The following PTPRT variants were observed in gnomAD, a reference collection of about 807,000 sequenced individuals.
PTPRT encodes the protein protein tyrosine phosphatase receptor type T.
PTPRT carries 56 observed loss-of-function variants against 176.8 expected under a neutral mutation model. The observed-to-expected ratio is 0.32, with a 90% CI of 0.26 to 0.40. The LOEUF (loss-of-function observed/expected upper bound fraction) is 0.40. PTPRT is among the 10% of genes least tolerant of loss of function. The pLI is 1.00. For synonymous variants in PTPRT, 783 were observed against 739.0 expected (o/e 1.06, Z -0.96); for missense variants, 1,540 against 1,908.2 (o/e 0.81, Z 3.60).
chr20:42,037,670 G>A, the PTPRT span, among the ~76,000 whole-genome samples: 5 of 152,154 alleles, frequency 3.3e-5, no homozygotes, highest in Non-Finnish European at 5.9e-5. Flanking sequence ...AGTTTCTCAG[G>A]ATTCAGTTCT....
intron 1 of PTPRT, among the ~76,000 whole-genome samples, chr20:42,980,962 C>T (rs982840425): frequency 1.3e-5 from 2 of 152,178 alleles, no homozygotes; most frequent in African/African-American, 4.8e-5. Flanking sequence ...GGGAGCCCAA[C>T]TTCAGTGTGC....
intron 18 of PTPRT, among the ~76,000 whole-genome samples, chr20:42,134,637 TTTA>T (rs777712422): frequency 3.9e-5 from 6 of 152,176 alleles, no homozygotes; most frequent in Non-Finnish European, 8.8e-5. Flanking sequence ...CTGGTAAATG[TTTA>T]ACATACAGCT....
intron 7 of PTPRT, among the ~76,000 whole-genome samples, chr20:42,650,572 T>A (rs2075011727): frequency 1.3e-5 from 2 of 152,132 alleles, no homozygotes; most frequent in South Asian, 4.2e-4. Context: ...ACCTTGACAG[T>A]TACAGGCAGA....
chr20:42,119,756 C>A (rs1205074838), intron 20 of PTPRT, among the ~76,000 whole-genome samples, 179 bp downstream of exon 20: 1 of 152,214 alleles, frequency 6.6e-6, no homozygotes, highest in Non-Finnish European at 1.5e-5. Context: ...CTTCAGCCTA[C>A]CCCTCCGTGG....
chr20:42,357,380 G>T (rs1029811259), intron 9 of PTPRT, among the ~76,000 whole-genome samples: 1 of 152,218 alleles, frequency 6.6e-6, no homozygotes, highest in African/African-American at 2.4e-5. Context: ...AGGAGGCAAA[G>T]ATCGTATCTG....
chr20:42,431,168 A>T (rs983876332), intron 9 of PTPRT, among the ~76,000 whole-genome samples: 6 of 152,174 alleles, frequency 3.9e-5, no homozygotes, highest in Admixed American at 2.0e-4. Flanking sequence ...TAGGCTTAAT[A>T]TTGCTTCTCC....
At chr20:42,343,543 G>A (rs1365757787) in intron 11 of PTPRT, among the ~76,000 whole-genome samples, 2 of 152,134 alleles carry the variant, frequency 1.3e-5, no homozygotes, top group South Asian at 2.1e-4. Context: ...TCTTAACCCC[G>A]ACTGTGCTGG....
intron 1 of PTPRT, among the ~76,000 whole-genome samples, chr20:42,928,044 A>C (rs1005687852): frequency 2.0e-5 from 3 of 152,204 alleles, no homozygotes; most frequent in African/African-American, 7.2e-5. Flanking sequence ...AGCAGTTGTG[A>C]GTACAAACTG....
At chr20:42,918,260 A>T (rs1978911212) in intron 1 of PTPRT, among the ~76,000 whole-genome samples, 2 of 152,110 alleles carry the variant, frequency 1.3e-5, no homozygotes, top group Non-Finnish European at 2.9e-5. Context: ...AACTTCACCC[A>T]AGCCCTGTGC....
chr20:42,694,555 G>A (rs927053121), intron 6 of PTPRT, among the ~76,000 whole-genome samples: 2 of 152,018 alleles, frequency 1.3e-5, no homozygotes, highest in African/African-American at 4.8e-5. Flanking sequence ...CATTTTTCTG[G>A]GGTAAATTCC....
At chr20:42,315,180 G>A (rs1180599995) in intron 12 of PTPRT, among the ~76,000 whole-genome samples, 4 of 34,592 alleles carry the variant, frequency 1.2e-4, no homozygotes, top group Admixed American at 4.0e-4. Context: ...GCGAGGCTCC[G>A]TCTCAAAAAA....
chr20:42,617,338 T>C (rs1446576071), intron 7 of PTPRT, among the ~76,000 whole-genome samples: 1 of 136,858 alleles, frequency 7.3e-6, no homozygotes, highest in African/African-American at 3.2e-5. Flanking sequence ...GGATTCGGTT[T>C]GCCAGTATTT....
At chr20:42,732,469 A>C (rs184012428) in intron 6 of PTPRT, among the ~76,000 whole-genome samples, 1 of 152,360 alleles carries the variant, frequency 6.6e-6, no homozygotes, top group Non-Finnish European at 1.5e-5. Context: ...TATGTTTGGC[A>C]GAGCCAAGAA....
chr20:42,121,719 T>A (rs1987602358), intron 19 of PTPRT, among the ~76,000 whole-genome samples: 1 of 147,938 alleles, frequency 6.8e-6, no homozygotes, highest in Non-Finnish European at 1.5e-5. Flanking sequence ...ATATATATAG[T>A]ATTCCATATA....
At position 42,085,827 on chromosome 20, in the gene PTPRT, C is replaced by A; in HGVS notation, c.3873G>T (p.Lys1291Asn). Residue 1291 changes from lysine to asparagine, a missense_variant, in exon 28 of 31, where the codon AAG becomes AAT. Around this residue, in one of 11 missense-constraint regions of PTPRT, gnomAD observed 342 missense variants for 394.0 expected, o/e 0.87. Transcript: ENST00000373187. ...AQFCMQYWPEKTSGCYGPIQV... is the reference protein window; with the variant it reads ...AQFCMQYWPENTSGCYGPIQV... The stretch of plus-strand genomic sequence containing the variant: ...GGATGGGCCCATAGCACCCGGAGGT[C>A]TTCTCAGGCCAGTACTGCATACAGA... The A allele has an allele frequency of 6.2e-7, 1 of 1,613,472 alleles. No homozygotes were observed. The highest frequency in any genetic ancestry group is 8.5e-7 in the Non-Finnish European group (1 of 1,179,350).
intron 6 of PTPRT, among the ~76,000 whole-genome samples, chr20:42,680,834 T>C (rs527669571): frequency 6.6e-6 from 1 of 152,362 alleles, no homozygotes; most frequent in South Asian, 2.1e-4. Flanking sequence ...TGTGCAAGTA[T>C]AGTAACAAAC....
chr20:42,923,840 C>CTT (rs776244592), intron 1 of PTPRT, among the ~76,000 whole-genome samples: 3,735 of 150,190 alleles, frequency 0.025, 78 homozygotes, highest in African/African-American at 0.069. Context: ...ACATTTTTTT[C>CTT]TTTTCTTTTT....
intron 7 of PTPRT, among the ~76,000 whole-genome samples, chr20:42,519,704 C>A (rs6130153): frequency 6.6e-6 from 1 of 151,920 alleles, no homozygotes; most frequent in African/African-American, 2.4e-5. Flanking sequence ...CAATTTTATG[C>A]ATCCATGTGT....
intron 16 of PTPRT, among the ~76,000 whole-genome samples, chr20:42,185,524 G>A (rs1296483503): frequency 1.3e-5 from 2 of 152,152 alleles, no homozygotes; most frequent in African/African-American, 4.8e-5. Context: ...TTCAGTGTTG[G>A]CTACAGTGGG....
Sources: allele counts gnomAD v4.1 joint callset (sites outside exome capture counted in the v4.1 genomes callset), GRCh38; gene constraint gnomAD v4.1.1; regional missense constraint gnomAD v4.1.1; transcripts MANE v1.5; gene names NCBI Gene and HGNC (gene_info 2026-07-23, HGNC 2026-07-21).